Variants in SV2B observed in about 807,000 individuals in gnomAD.
SV2B encodes the protein solute carrier family 22 member B2.
In SV2B, 41 loss-of-function variants were observed where a neutral mutation model predicts 73.9. That is an observed-to-expected ratio of 0.56 (90% CI 0.43 to 0.72). The LOEUF (loss-of-function observed/expected upper bound fraction) is 0.72. Among genes scored for constraint, SV2B ranks in the 30% least tolerant of loss-of-function variants. SV2B has a pLI of 0.00. For synonymous variants in SV2B, 314 were observed against 314.2 expected, an observed-to-expected ratio of 1.00 and a Z score of 0.01; for missense variants, 764 against 857.8, an observed-to-expected ratio of 0.89 and a Z score of 1.37.
rs1427302670 is a variant in SV2B at position 91,290,525 on chromosome 15, C to T, written c.1868+845C>T. On this transcript the variant is annotated intron_variant, in intron 12 of 12. Transcript: ENST00000394232. This position sits in a 1 kb window ranked among gnomAD's most constrained non-coding sequence, Gnocchi z 4.7. ...CTAAGAGAATTAACTTATGAGACCA[C>T]TATAGACAAAAAGACAATGTGGTCA... 6.6e-6 allele frequency among the ~76,000 whole-genome samples: 1 copy of T among 151,992 alleles called. No individual in the cohort carries two copies. Among genetic ancestry groups the T allele is most frequent in the Non-Finnish European group, 1.5e-5 (1 of 67,978 alleles).
intron 1 of SV2B, among the ~76,000 whole-genome samples, chr15:91,187,593 C>T (rs868093777): frequency 5.3e-5 from 8 of 152,026 alleles, no homozygotes; most frequent in African/African-American, 1.9e-4. Flanking sequence ...AGGATAACAT[C>T]TGTCAAGTGC....
intron 2 of SV2B, among the ~76,000 whole-genome samples, chr15:91,249,107 C>CACACACA (rs112646936): frequency 7.6e-6 from 1 of 132,380 alleles, no homozygotes; most frequent in Non-Finnish European, 1.6e-5. Context: ...CACACACACA[C>CACACACA]ATGTTTATGA....
At chr15:91,131,132 A>G (rs574979020) in intron 1 of SV2B, among the ~76,000 whole-genome samples, 90 of 146,136 alleles carry the variant, frequency 6.2e-4, no homozygotes, top group African/African-American at 2.2e-3. Flanking sequence ...AGATTCAGGG[A>G]AAAGATGTTT....
chr15:91,292,243 T>G (rs2049066915), intron 12 of SV2B, 126 bp from the exon 13 acceptor site: 1 of 838,612 alleles, frequency 1.2e-6, no homozygotes, highest in Non-Finnish European at 1.8e-6. Context: ...AATGTGTTAT[T>G]TTTATATTTA....
chr15:91,181,188 G>C (rs1475061134), intron 1 of SV2B, among the ~76,000 whole-genome samples: 1 of 152,210 alleles, frequency 6.6e-6, no homozygotes, highest in Non-Finnish European at 1.5e-5. Context: ...GGTTTCAGCA[G>C]CAGTGTCTGC....
Position 91,137,769 on chromosome 15 carries a change from G to C in SV2B, c.-392+37406G>C, listed in dbSNP as rs531925396. Among the ~76,000 whole-genome samples the C allele has an allele frequency of 6.0e-4, 91 of 151,656 alleles. No individual in the cohort carries two copies. The highest frequency in any genetic ancestry group is 2.1e-3 in the African/African-American group (87 of 41,344). On this transcript the variant is annotated intron_variant, in intron 1 of 12. Coordinates refer to ENST00000394232, the MANE Select transcript of SV2B (RefSeq NM_001323032.3). The surrounding 1 kb of genome is among the most constrained non-coding windows in gnomAD (Gnocchi z 4.9). ...ACACATCAAATATGTTTAACCTGTA[G>C]GTTTATAATGGTGCTCAGAATAGAA...
At position 91,233,035 on chromosome 15, in the gene SV2B, G is replaced by A. The variant is rs191027128; in HGVS notation, c.451+6321G>A. Among the ~76,000 whole-genome samples, 26 of 152,282 alleles carry A rather than the reference G, an allele frequency of 1.7e-4. 1 individual carries two copies. The highest frequency in any genetic ancestry group is 1.5e-3 in the Admixed American group (23 of 15,304). ...ATCCATGTTGTTGTAAAGAACATAT[G>A]ATTTTGTTCTTGTTTATGGCTGTGT... On this transcript the variant is annotated intron_variant, in intron 2 of 12. Coordinates refer to ENST00000394232, the MANE Select transcript of SV2B (RefSeq NM_001323032.3).
rs138460163 is a variant in SV2B at position 91,188,943 on chromosome 15, C to T, written c.-391-36930C>T. On this transcript the variant is annotated intron_variant, in intron 1 of 12. Coordinates refer to ENST00000394232, the MANE Select transcript of SV2B (RefSeq NM_001323032.3). Reference sequence around the variant, plus strand: ...CCAGGTTCAGGTGATTCTCTAGCCTCGGCCTCCCAAATAGCTGGCATTACA... The same window carrying T: ...CCAGGTTCAGGTGATTCTCTAGCCTTGGCCTCCCAAATAGCTGGCATTACA... Among the ~76,000 whole-genome samples, 382 of 152,256 alleles carry T rather than the reference C, an allele frequency of 2.5e-3. 2 individuals carry two copies. The highest frequency in any genetic ancestry group is 4.4e-3 in the Non-Finnish European group (299 of 68,014).
chr15:91,166,956 G>A (rs2043937529), intron 1 of SV2B, among the ~76,000 whole-genome samples: 1 of 151,950 alleles, frequency 6.6e-6, no homozygotes, highest in South Asian at 2.1e-4. Flanking sequence ...TGGGACTACA[G>A]GTGCCTGCCA....
Position 91,151,172 on chromosome 15 carries a change from A to C in SV2B, c.-392+50809A>C, listed in dbSNP as rs180773216. ...TGTGCACATTCAAGCCTGTGTGTCT[A>C]TTCACAAAACTGATCAGGGCCAAAA... On this transcript the variant is annotated intron_variant, in intron 1 of 12. Transcript: ENST00000394232. Among the ~76,000 whole-genome samples, 6 of 152,326 alleles carry C rather than the reference A, an allele frequency of 3.9e-5. No homozygotes were observed. In the East Asian group the frequency reaches 1.2e-3, roughly 29 times the overall value.
chr15:91,145,017 A>G (rs2043105644), intron 1 of SV2B, among the ~76,000 whole-genome samples: 1 of 152,038 alleles, frequency 6.6e-6, no homozygotes, highest in African/African-American at 2.4e-5. Flanking sequence ...TCAGGGGTAC[A>G]TGCGCAGGTC....
chr15:91,268,950 C>T lies in SV2B; in HGVS notation c.1373+345C>T, dbSNP rs973050223. On this transcript the variant is annotated intron_variant, in intron 9 of 12. Coordinates refer to ENST00000394232, the MANE Select transcript of SV2B (RefSeq NM_001323032.3). This position sits in a 1 kb window ranked among gnomAD's most constrained non-coding sequence, Gnocchi z 4.4. ...GCCTAGGGCTCTTACTGCTGAGATT[C>T]CCGAACTAGTCCAAAGCCTGGGTGT... Among the ~76,000 whole-genome samples, 4 of 152,172 alleles carry T rather than the reference C, an allele frequency of 2.6e-5. No homozygotes were observed. The highest frequency in any genetic ancestry group is 4.4e-5 in the Non-Finnish European group (3 of 68,040).
intron 4 of SV2B, among the ~76,000 whole-genome samples, chr15:91,255,147 AACACACACACTTACACAG>A (rs2141625710): frequency 6.6e-6 from 1 of 152,284 alleles, no homozygotes; most frequent in Non-Finnish European, 1.5e-5. Context: ...TCACTTCACA[AACACACACACTTACACAG>A]ACACACACAC....
intron 1 of SV2B, among the ~76,000 whole-genome samples, chr15:91,153,813 G>A (rs926817361): frequency 5.9e-5 from 9 of 151,864 alleles, no homozygotes; most frequent in African/African-American, 2.2e-4. Context: ...GAGGGCAGGG[G>A]CAGGGGCAGG....
chr15:91,178,882 C>G (rs2044435888), intron 1 of SV2B, among the ~76,000 whole-genome samples: 3 of 147,104 alleles, frequency 2.0e-5, no homozygotes, highest in Non-Finnish European at 3.0e-5. Context: ...TTTTTTGTGT[C>G]TCTATTTCCT....
intron 1 of SV2B, among the ~76,000 whole-genome samples, chr15:91,138,082 C>G (rs1340242777): frequency 2.0e-5 from 3 of 152,142 alleles, no homozygotes; most frequent in Non-Finnish European, 2.9e-5. Context: ...TTATATGTAT[C>G]TTGATAGAAG....
intron 1 of SV2B, among the ~76,000 whole-genome samples, chr15:91,108,133 G>T (rs184509656): frequency 6.6e-6 from 1 of 152,140 alleles, no homozygotes. Flanking sequence ...CCAGCTGAAG[G>T]ACTTAAAGAT....
Position 91,197,363 on chromosome 15 carries a change from G to C in SV2B, c.-391-28510G>C, listed in dbSNP as rs990188452. On this transcript the variant is annotated intron_variant, in intron 1 of 12. Transcript: ENST00000394232. This position sits in a 1 kb window ranked among gnomAD's most constrained non-coding sequence, Gnocchi z 4.9. ...CCTGCCTCAGCCTCCCGAGTAGCTG[G>C]GATTACAGGGGTCCGCCACCACACC... 2.0e-5 allele frequency among the ~76,000 whole-genome samples: 3 copies of C among 151,840 alleles called. No individual in the cohort carries two copies. The East Asian group carries it at 5.8e-4, about 29-fold the overall frequency.
chr15:91,111,492 C>G (rs2042033562), intron 1 of SV2B, among the ~76,000 whole-genome samples: 1 of 152,106 alleles, frequency 6.6e-6, no homozygotes, highest in Non-Finnish European at 1.5e-5. Flanking sequence ...GAAGCCGTTG[C>G]TATTGCTGCA....
Sources: allele counts gnomAD v4.1 joint callset (sites outside exome capture counted in the v4.1 genomes callset), GRCh38; gene constraint gnomAD v4.1.1; non-coding constraint Gnocchi (gnomAD v3.1); transcripts MANE v1.5; gene names NCBI Gene and HGNC (gene_info 2026-07-23, HGNC 2026-07-21).